Variants in ZFHX3 observed in about 807,000 individuals in gnomAD.
The protein encoded by ZFHX3 is zinc finger homeobox 3.
ZFHX3 carries 42 observed loss-of-function variants against 279.1 expected under a neutral mutation model. The ratio of observed to expected loss-of-function variants is 0.15; its 90% confidence interval spans 0.12 to 0.19. The LOEUF is 0.19. Ranked by LOEUF, ZFHX3 falls within the 10% of genes least tolerant of loss-of-function variation. The pLI, the probability that ZFHX3 is intolerant of heterozygous loss-of-function variation, is 1.00. For missense variants in ZFHX3, 4,981 were observed against 4,754.0 expected (o/e 1.05, Z -1.40); for synonymous variants, 2,293 against 1,957.8 (o/e 1.17, Z -4.52).
chr16:73,411,163 C>T (rs2017457929), intron 3 of ZFHX3, among the ~76,000 whole-genome samples: 1 of 152,196 alleles, frequency 6.6e-6, no homozygotes, highest in South Asian at 2.1e-4. Flanking sequence ...CTGGGAACAA[C>T]CACAAGCTAG....
At chr16:73,663,172 A>G (rs769918264) in intron 2 of ZFHX3, among the ~76,000 whole-genome samples, 17 of 152,198 alleles carry the variant, frequency 1.1e-4, no homozygotes, top group Non-Finnish European at 2.1e-4. Context: ...AACTGTTTGC[A>G]TTTCATACCT....
intron 1 of ZFHX3, among the ~76,000 whole-genome samples, chr16:72,970,008 A>G (rs192086262): frequency 6.6e-6 from 1 of 152,316 alleles, no homozygotes; most frequent in East Asian, 1.9e-4. Context: ...ATGTTTGCTA[A>G]TAAGTGCATC....
chr16:72,924,220 G>C (rs1296846307), intron 3 of ZFHX3, among the ~76,000 whole-genome samples: 1 of 152,184 alleles, frequency 6.6e-6, no homozygotes, highest in Non-Finnish European at 1.5e-5. Flanking sequence ...AACGACTTTA[G>C]ATTTGATGAC....
At chr16:73,372,290 G>GT (rs879808663) in intron 3 of ZFHX3, among the ~76,000 whole-genome samples, 71 of 151,148 alleles carry the variant, frequency 4.7e-4, no homozygotes, top group East Asian at 4.1e-3. Flanking sequence ...ATTAAACAAG[G>GT]TTTTTTTTTA....
chr16:73,697,285 A>G (rs2053206498), intron 1 of ZFHX3, among the ~76,000 whole-genome samples: 1 of 151,936 alleles, frequency 6.6e-6, no homozygotes, highest in African/African-American at 2.4e-5. Context: ...CACGACACAT[A>G]TAAGGTGTTT....
At position 73,047,010 on chromosome 16, in the gene ZFHX3, C is replaced by T. The variant is rs144837757; in HGVS notation, c.-50+742G>A. ...CAATTCCCTCTTAGCACACACCATG[C>T]GTGAGCTGCAGTCTTTGCCCTCCAG... is the stretch of plus-strand genomic sequence containing the variant. On this transcript the variant is annotated intron_variant, in intron 1 of 9. Transcript: ENST00000268489. 3.7e-4 allele frequency among the ~76,000 whole-genome samples: 56 copies of T among 152,332 alleles called. 1 individual carries two copies. Among genetic ancestry groups the T allele is most frequent in the East Asian group, 1.5e-3 (8 of 5,172 alleles).
Position 72,889,802 on chromosome 16 carries a change from T to G in ZFHX3, c.3377A>C (p.Lys1126Thr), listed in dbSNP as rs764193269. The G allele has an allele frequency of 1.2e-6, 2 of 1,613,762 alleles. No individual in the cohort carries two copies. Among genetic ancestry groups the G allele is most frequent in the Non-Finnish European group, 1.7e-6 (2 of 1,180,042 alleles). Reference sequence around the variant, plus strand: ...GTCCTCGTCCTCCTCTGGAAGGCCCTTCTGCAGCCGCTGCAGCTTTCGCAG... The same window carrying G: ...GTCCTCGTCCTCCTCTGGAAGGCCCGTCTGCAGCCGCTGCAGCTTTCGCAG... Reference protein sequence around the residue: ...ESLRKLQRLQKGLPEEDEDLG... With the variant: ...ESLRKLQRLQTGLPEEDEDLG... Residue 1126 changes from lysine to threonine, a missense_variant, in exon 4 of 10, where the codon AAG becomes ACG. Lys to Thr is a moderately conservative substitution (Grantham distance 78, BLOSUM62 -1). Around this residue, in one of 7 missense-constraint regions of ZFHX3, gnomAD observed 1,751 missense variants for 1,770.0 expected, o/e 0.99. Coordinates refer to ENST00000268489, the MANE Select transcript of ZFHX3 (RefSeq NM_006885.4).
chr16:73,404,615 G>A (rs542875907), intron 3 of ZFHX3, among the ~76,000 whole-genome samples: 1 of 152,266 alleles, frequency 6.6e-6, no homozygotes, highest in African/African-American at 2.4e-5. Context: ...GCCATCTGTT[G>A]ATACTTCACA....
At chr16:73,654,098 G>A (rs1021918622) in intron 2 of ZFHX3, among the ~76,000 whole-genome samples, 2 of 151,534 alleles carry the variant, frequency 1.3e-5, no homozygotes, top group Non-Finnish European at 2.9e-5. Context: ...GCAGGAGAAT[G>A]GCATGAACCT....
Position 72,958,467 on chromosome 16 carries a change from A to G in ZFHX3, c.1679T>C (p.Val560Ala). Residue 560 changes from valine to alanine, a missense_variant, in exon 2 of 10, where the codon GTC (valine) becomes GCC (alanine). By Grantham distance (64) the Val-to-Ala change is moderately conservative. Around this residue, in one of 7 missense-constraint regions of ZFHX3, gnomAD observed 1,068 missense variants for 935.2 expected, o/e 1.14. Coordinates refer to ENST00000268489, the MANE Select transcript of ZFHX3 (RefSeq NM_006885.4). Reference protein sequence around the residue: ...TSSNSASSFVVFDGANRRNRL... With the variant: ...TSSNSASSFVAFDGANRRNRL... Reference sequence around the variant, plus strand: ...ATTCCTCCTGTTCGCACCATCAAAGACAACAAAGGAAGAAGCAGAATTAGA... The same window carrying G: ...ATTCCTCCTGTTCGCACCATCAAAGGCAACAAAGGAAGAAGCAGAATTAGA... 6.2e-7 allele frequency: 1 copy of G among 1,614,144 alleles called. No individual in the cohort carries two copies. The highest frequency in any genetic ancestry group is 1.1e-5 in the South Asian group (1 of 91,082).
chr16:73,856,472 A>T (rs1003604386), intron 1 of ZFHX3, among the ~76,000 whole-genome samples: 3 of 152,234 alleles, frequency 2.0e-5, no homozygotes, highest in African/African-American at 7.2e-5. Flanking sequence ...AGAGGATTTC[A>T]ATCAAGGATG....
rs1399664915 is a variant in ZFHX3, at chr16:73,104,375, TGC to T, written c.-896-10779_-896-10778del. On this transcript the variant is annotated intron_variant, in intron 7 of 17. Transcript: ENST00000641206. ...CCTCCCGAGTAGCTGGGATTACAGG[TGC>T]GCACCACCACGTCCAGCTAATTTTT... 1.6e-4 allele frequency among the ~76,000 whole-genome samples: 25 copies of T among 152,070 alleles called. 1 individual carries two copies. The Middle Eastern group carries it at 0.01, about 62-fold the overall frequency.
At chr16:73,356,705 A>G (rs558412466) in intron 3 of ZFHX3, among the ~76,000 whole-genome samples, 1 of 152,186 alleles carries the variant, frequency 6.6e-6, no homozygotes, top group East Asian at 1.9e-4. Context: ...GATTAAGTAG[A>G]CTAATTACCT....
At chr16:73,392,006 C>G (rs923129761) in intron 3 of ZFHX3, among the ~76,000 whole-genome samples, 14 of 152,082 alleles carry the variant, frequency 9.2e-5, no homozygotes, top group African/African-American at 3.4e-4. Context: ...ATGACAATAT[C>G]ACGATATTGG....
intron 1 of ZFHX3, among the ~76,000 whole-genome samples, chr16:73,693,037 AC>A (rs1213114353): frequency 1.3e-5 from 2 of 152,174 alleles, no homozygotes; most frequent in Non-Finnish European, 2.9e-5. Flanking sequence ...ATTACGAAAA[AC>A]TTGGCAGCAG....
At chr16:73,732,349 G>A (rs2142250425) in intron 1 of ZFHX3, among the ~76,000 whole-genome samples, 1 of 152,318 alleles carries the variant, frequency 6.6e-6, no homozygotes, top group East Asian at 1.9e-4. Context: ...AACAGAGAAG[G>A]ATCAGAGTTC....
At chr16:73,837,236 C>T (rs756204500) in intron 1 of ZFHX3, among the ~76,000 whole-genome samples, 8 of 152,172 alleles carry the variant, frequency 5.3e-5, no homozygotes, top group Non-Finnish European at 4.4e-5. Context: ...GAACTAAACT[C>T]ATGTTAATAT....
At chr16:73,821,675 G>A (rs1300090105) in intron 1 of ZFHX3, among the ~76,000 whole-genome samples, 1 of 152,224 alleles carries the variant, frequency 6.6e-6, no homozygotes, top group African/African-American at 2.4e-5. Flanking sequence ...AAGCTAGATT[G>A]TGAAGTTTAC....
chr16:72,956,160 T>C (rs1015687083), intron 2 of ZFHX3, among the ~76,000 whole-genome samples: 2 of 152,192 alleles, frequency 1.3e-5, no homozygotes, highest in Non-Finnish European at 2.9e-5. Context: ...TGCTTTGAAA[T>C]ATAACTCATC....
Sources: allele counts gnomAD v4.1 joint callset (sites outside exome capture counted in the v4.1 genomes callset), GRCh38; gene constraint gnomAD v4.1.1; regional missense constraint gnomAD v4.1.1; transcripts MANE v1.5; gene names NCBI Gene and HGNC (gene_info 2026-07-23, HGNC 2026-07-21).